The following MYOM2 variants were observed in gnomAD, a reference collection of about 807,000 sequenced individuals.
MYOM2 encodes the protein myomesin-2.
Under a neutral mutation model 187.6 loss-of-function variants are expected in MYOM2, and 254 were observed. The ratio of observed to expected loss-of-function variants is 1.35; its 90% CI spans 1.22 to 1.50. MYOM2 has a LOEUF of 1.50. Among genes scored for constraint, MYOM2 ranks in the 40% most tolerant of loss-of-function variants. The probability of loss-of-function intolerance (pLI) is 0.00; values close to 1 mark genes in which losing one functional copy is unlikely to be tolerated. For missense variants in MYOM2, 2,796 were observed against 1,924.0 expected, an observed-to-expected ratio of 1.45 and a Z score of -8.48; for synonymous variants, 981 against 753.8, an observed-to-expected ratio of 1.30 and a Z score of -4.94.
At chr8:2,126,155 T>C (rs1036041337) in intron 31 of MYOM2, among the ~76,000 whole-genome samples, 23 of 152,200 alleles carry the variant, frequency 1.5e-4, no homozygotes, top group Non-Finnish European at 1.5e-5. Flanking sequence ...CCTCACTGTG[T>C]GCTTGTCACC....
In MYOM2 at chr8:2,140,713, T is replaced by A; in HGVS notation, c.3801-10T>A. 1.2e-6 allele frequency: 2 copies of A among 1,613,148 alleles called. No individual in the cohort carries two copies. Among genetic ancestry groups the A allele is most frequent in the Non-Finnish European group, 1.7e-6 (2 of 1,179,416 alleles). ...CCTAACTCAGATACGTTCCTGTTGC[T>A]CTTTTCAAGAGATGCTAAGATCTCA... On this transcript the variant is annotated splice_polypyrimidine_tract_variant and intron_variant, in intron 32 of 36. Transcript: ENST00000262113.
intron 25 of MYOM2, 69 bp downstream of exon 25, chr8:2,109,600 GA>G (rs1797002999): frequency 6.8e-7 from 1 of 1,479,054 alleles, no homozygotes. Flanking sequence ...GTCAGTTACT[GA>G]ATATCAACAT....
rs1796131918 is a variant in MYOM2, at chr8:2,087,442, G to C, written c.1644+2052G>C. On this transcript the variant is annotated intron_variant, in intron 14 of 36. Transcript: ENST00000262113. ...GGGGGTAGAAACTAGAAATATTTCA[G>C]GGTAAAGCATTACATCATTAATTCT... is the stretch of plus-strand genomic sequence containing the variant. Among the ~76,000 whole-genome samples, 3 of 152,046 alleles carry C rather than the reference G, an allele frequency of 2.0e-5. No homozygotes were observed. The South Asian group carries it at 6.2e-4, about 32-fold the overall frequency.
At chr8:2,092,846 G>T (rs754717279) in intron 16 of MYOM2, among the ~76,000 whole-genome samples, 1 of 152,104 alleles carries the variant, frequency 6.6e-6, no homozygotes, top group South Asian at 2.1e-4. Context: ...TGTGAAAGTC[G>T]TTTTATTTTT....
intron 6 of MYOM2, among the ~76,000 whole-genome samples, chr8:2,068,945 C>T (rs944145387): frequency 1.3e-5 from 2 of 152,204 alleles, no homozygotes; most frequent in African/African-American, 4.8e-5. Context: ...TGAAACCGCG[C>T]ATTCCATAGA....
chr8:2,122,623 T>A (rs1443740774), intron 28 of MYOM2, among the ~76,000 whole-genome samples: 3 of 152,240 alleles, frequency 2.0e-5, no homozygotes, highest in African/African-American at 4.8e-5. Flanking sequence ...CTCATGGGAT[T>A]CAAACATTCT....
Position 2,052,232 on chromosome 8 carries a change from C to A in MYOM2, c.182C>A (p.Thr61Lys), listed in dbSNP as rs534542853. 1 of 1,613,268 alleles carries A rather than the reference C, an allele frequency of 6.2e-7. No homozygotes were observed. Among genetic ancestry groups the A allele is most frequent in the Non-Finnish European group, 8.5e-7 (1 of 1,179,770 alleles). The change falls in exon 3 of 37, where the codon ACG becomes AAG. Residue 61 changes from threonine to lysine, a missense_variant. Transcript: ENST00000262113. Reference protein sequence around the residue: ...RSSSQRASSQTSLGGTICRVC... With the variant: ...RSSSQRASSQKSLGGTICRVC... Reference sequence around the variant, plus strand: ...TCTTCACAGAGAGCCTCCAGCCAGACGTCCCTGGGAGGAACCATCTGCAGG... The same window carrying A: ...TCTTCACAGAGAGCCTCCAGCCAGAAGTCCCTGGGAGGAACCATCTGCAGG...
At chr8:2,121,135 C>G (rs1429183682) in intron 28 of MYOM2, among the ~76,000 whole-genome samples, 5 of 152,146 alleles carry the variant, frequency 3.3e-5, no homozygotes, top group African/African-American at 9.7e-5. Flanking sequence ...GCAAAAACAA[C>G]TTTCTCAAAT....
At position 2,076,239 on chromosome 8, in the gene MYOM2, A is replaced by G. The variant is rs1819414347; in HGVS notation, c.1219A>G (p.Asn407Asp). 1.9e-6 allele frequency: 3 copies of G among 1,613,704 alleles called. No homozygotes were observed. The highest frequency in any genetic ancestry group is 1.7e-6 in the Non-Finnish European group (2 of 1,179,936). The change falls in exon 11 of 37, where the codon AAC becomes GAC. Residue 407 changes from asparagine (N) to aspartate (D), a missense_variant. Coordinates refer to ENST00000262113, the MANE Select transcript of MYOM2 (RefSeq NM_003970.4). ...CGTCATCGTGACCTGGAAGCCGCCC[A>G]ACACCACCACTGAGAGCCCCGTCAT... ...DYVIVTWKPP[N>D]TTTESPVMGY...
At chr8:2,094,252 G>A (rs146439941) in intron 17 of MYOM2, among the ~76,000 whole-genome samples, 161 bp downstream of exon 17, 1 of 152,350 alleles carries the variant, frequency 6.6e-6, no homozygotes, top group Non-Finnish European at 1.5e-5. Flanking sequence ...TCGGTTGGCT[G>A]CTTGTCTTGG....
chr8:2,091,524 G>C (rs903504321), intron 15 of MYOM2, among the ~76,000 whole-genome samples: 6 of 152,312 alleles, frequency 3.9e-5, no homozygotes, highest in African/African-American at 1.4e-4. Flanking sequence ...AGGCACATTG[G>C]TGTCAGGAAC....
At chr8:2,089,943 C>A (rs2116727895) in intron 14 of MYOM2, 65 bp from the exon 15 acceptor site, 1 of 1,502,988 alleles carries the variant, frequency 6.7e-7, no homozygotes, top group South Asian at 1.2e-5. Flanking sequence ...ATTTCTTCCT[C>A]CTCCACACGC....
rs1818522719 is a variant in MYOM2, at chr8:2,052,413, A to G, written c.263+100A>G. ...GAAGAGCGACCTTAGCTGAGAGGGA[A>G]GATCAAGGAACACAGGCCATGCCTG... On this transcript the variant is annotated intron_variant, in intron 3 of 36. Coordinates refer to ENST00000262113, the MANE Select transcript of MYOM2 (RefSeq NM_003970.4). The G allele has an allele frequency of 1.5e-5, 20 of 1,307,444 alleles. No individual in the cohort carries two copies. The Middle Eastern group carries it at 8.2e-4, about 53-fold the overall frequency. 81.0% of individuals were successfully genotyped at this position (1,307,444 alleles called of 1,614,324 possible).
chr8:2,144,846 G>A lies in MYOM2; in HGVS notation c.4263G>A (p.Lys1421=), dbSNP rs147283014. 3.7e-6 allele frequency: 6 copies of A among 1,614,170 alleles called. No homozygotes were observed. Among genetic ancestry groups the A allele is most frequent in the Non-Finnish European group, 4.2e-6 (5 of 1,180,034 alleles). ...EDSGKYSINI[K]NKYGGEKIDV... is the part of the protein sequence containing the mutation. Reference sequence around the variant, plus strand: ...CGGGCAAGTACAGCATCAACATCAAGAATAAGTATGGCGGGGAGAAGATCG... The same window carrying A: ...CGGGCAAGTACAGCATCAACATCAAAAATAAGTATGGCGGGGAGAAGATCG... The change falls in exon 37 of 37, where the codon AAG becomes AAA. Residue 1421 remains lysine, a synonymous_variant. Coordinates refer to ENST00000262113, the MANE Select transcript of MYOM2 (RefSeq NM_003970.4).
At chr8:2,107,648 C>T (rs553357968) in intron 23 of MYOM2, among the ~76,000 whole-genome samples, 34 of 152,236 alleles carry the variant, frequency 2.2e-4, no homozygotes, top group Non-Finnish European at 4.0e-4. Context: ...AAGACACAGG[C>T]AGACAAATGA....
At position 2,100,958 on chromosome 8, in the gene MYOM2, C is replaced by G; in HGVS notation, c.2523C>G (p.Ser841Arg). 1 of 1,614,204 alleles carries G rather than the reference C, an allele frequency of 6.2e-7. No homozygotes were observed. Among genetic ancestry groups the G allele is most frequent in the Non-Finnish European group, 8.5e-7 (1 of 1,180,040 alleles). The change falls in exon 20 of 37, where the codon AGC becomes AGG. Residue 841 changes from serine (S) to arginine (R), a missense_variant. By Grantham distance (110) the Ser-to-Arg change is moderately radical (BLOSUM62 -1). Transcript: ENST00000262113. ...GGAAGGCCCCTGTGTACTCCGGCAGCAGCCCTGTTTCTGGATATTTCGTGG... is the reference window on the plus strand; with the variant it reads ...GGAAGGCCCCTGTGTACTCCGGCAGGAGCCCTGTTTCTGGATATTTCGTGG... ...MLWKAPVYSGSSPVSGYFVDF... is the reference protein window; with the variant it reads ...MLWKAPVYSGRSPVSGYFVDF...
chr8:2,132,549 A>T (rs574472086), intron 32 of MYOM2, among the ~76,000 whole-genome samples: 1 of 152,290 alleles, frequency 6.6e-6, no homozygotes, highest in East Asian at 1.9e-4. Flanking sequence ...TCTTGGAAGT[A>T]TCTCAGAAAC....
intron 18 of MYOM2, chr8:2,097,146 G>A: frequency 1.0e-6 from 1 of 975,852 alleles, no homozygotes; most frequent in Non-Finnish European, 1.2e-6. Flanking sequence ...TTTGGAGAGT[G>A]TAAGGCCTTA....
chr8:2,072,275 G>C, intron 8 of MYOM2, 70 bp from the exon 9 acceptor site: 1 of 1,288,938 alleles, frequency 7.8e-7, no homozygotes, highest in East Asian at 3.1e-5. Flanking sequence ...CTGCCCTTCG[G>C]CCATGAAAGC....
Sources: gnomAD v4.1 joint callset for allele counts (sites outside exome capture counted in the v4.1 genomes callset) on GRCh38, gnomAD v4.1.1 for gene constraint, MANE v1.5 for transcripts, NCBI Gene and HGNC (gene_info 2026-07-23, HGNC 2026-07-21) for gene names.